Variants in STON1 observed in about 807,000 individuals in gnomAD.
The protein encoded by STON1 is stonin 1.
STON1 carries 79 observed loss-of-function variants against 60.9 expected under a neutral mutation model. The ratio of observed to expected loss-of-function variants is 1.30; its 90% CI spans 1.08 to 1.56. The LOEUF is 1.56. STON1 is among the 40% of genes most tolerant of loss of function. The probability of loss-of-function intolerance (pLI) is 0.00; values close to 1 mark genes in which losing one functional copy is unlikely to be tolerated. For missense variants in STON1, 1,166 were observed against 858.9 expected (o/e 1.36, Z -4.47); for synonymous variants, 363 against 306.9 (o/e 1.18, Z -1.91).
chr2:48,575,774 T>TTTTA (rs1558623201), intron 1 of STON1, among the ~76,000 whole-genome samples: 1 of 149,118 alleles, frequency 6.7e-6, no homozygotes, highest in African/African-American at 2.4e-5. Context: ...TTTTTTTTTT[T>TTTTA]TGAGATGCAG....
intron 2 of STON1, among the ~76,000 whole-genome samples, chr2:48,586,422 C>T (rs186395051): frequency 1.3e-5 from 2 of 152,174 alleles, no homozygotes; most frequent in Non-Finnish European, 2.9e-5. Context: ...TACCCAAATG[C>T]ACTGTGGAAA....
chr2:48,588,333 T>C (rs1674328608), intron 2 of STON1, among the ~76,000 whole-genome samples: 1 of 152,204 alleles, frequency 6.6e-6, no homozygotes, highest in Admixed American at 6.5e-5. Context: ...CTTTTCAAGA[T>C]TGTCTCGGAA....
At chr2:48,565,413 C>A (rs1376296681) in intron 1 of STON1, among the ~76,000 whole-genome samples, 1 of 152,108 alleles carries the variant, frequency 6.6e-6, no homozygotes, top group African/African-American at 2.4e-5. Flanking sequence ...GACCTCATTA[C>A]CTTCTAATGG....
Position 48,552,608 on chromosome 2 carries a change from C to CA in STON1, c.-48+22403dup, listed in dbSNP as rs973568564. Among the ~76,000 whole-genome samples the CA allele has an allele frequency of 7.0e-3, 1,023 of 145,370 alleles. 7 individuals are homozygous for CA. The highest frequency in any genetic ancestry group is 0.02 in the African/African-American group (813 of 39,770). On this transcript the variant is annotated intron_variant, in intron 1 of 3. Coordinates refer to ENST00000404752, the MANE Select transcript of STON1 (RefSeq NM_006873.4). ...TGAGAGCCCGTCTCTACTAAAAATACAAAAAAAAAAATTTAGCAGGGTATG... is the reference window on the plus strand; with the variant it reads ...TGAGAGCCCGTCTCTACTAAAAATACAAAAAAAAAAAATTTAGCAGGGTATG...
In STON1 at chr2:48,578,581, C is replaced by CTTTTTTTTTTTTTTTTTTTTTTTTTT. The variant is rs59933765; in HGVS notation, c.-47-1981_-47-1980insTTTTTTTTTTTTTTTTTTTTTTTTTT. 1.5e-4 allele frequency among the ~76,000 whole-genome samples: 7 copies of CTTTTTTTTTTTTTTTTTTTTTTTTTT among 46,168 alleles called. 1 individual carries two copies. Among genetic ancestry groups the CTTTTTTTTTTTTTTTTTTTTTTTTTT allele is most frequent in the Non-Finnish European group, 2.1e-4 (6 of 28,214 alleles). The allele number at this position is 46,168 out of a possible 152,430, so 30.3% of individuals were successfully genotyped here. On this transcript the variant is annotated intron_variant, in intron 1 of 3. Transcript: ENST00000404752. ...CTTCTCCTCCTCCTCCTCCTCCTTC[C>CTTTTTTTTTTTTTTTTTTTTTTTTTT]TTTTTTTTTTTTTTTTTTTTTTTTT...
chr2:48,564,502 TTC>T (rs1672806040), intron 1 of STON1, among the ~76,000 whole-genome samples: 3 of 22,878 alleles, frequency 1.3e-4, no homozygotes, highest in Non-Finnish European at 2.4e-4. Context: ...CTTCTTCTTC[TTC>T]TTCTTCTTCT....
chr2:48,552,964 C>T (rs1572938815), intron 1 of STON1, among the ~76,000 whole-genome samples: 1 of 152,078 alleles, frequency 6.6e-6, no homozygotes, highest in East Asian at 1.9e-4. Flanking sequence ...GTAGTTGCAG[C>T]CTGATGGCAA....
intron 1 of STON1, among the ~76,000 whole-genome samples, chr2:48,564,480 T>TTCTTCTTCTTTCTTC (rs1558604783): frequency 3.1e-5 from 1 of 32,492 alleles, no homozygotes; most frequent in Non-Finnish European, 6.5e-5. Flanking sequence ...CTTCTTCTTC[T>TTCTTCTTCTTTCTTC]TTCTTCTTCT....
At position 48,581,081 on chromosome 2, in the gene STON1, G is replaced by C; in HGVS notation, c.448G>C (p.Gly150Arg). The C allele has an allele frequency of 6.2e-7, 1 of 1,600,710 alleles. No individual in the cohort carries two copies. The highest frequency in any genetic ancestry group is 2.2e-5 in the East Asian group (1 of 44,842). ...ATGTACACATCCAACTCCCAAAGTA[G>C]GTCTTCCAGATGAAGTTAATCCTCA... ...HSCTHPTPKV[G>R]LPDEVNPQQA... The change falls in exon 2 of 4, where the codon GGT becomes CGT. Residue 150 changes from glycine (G) to arginine (R), a missense_variant. Physicochemically the swap from Gly to Arg is moderately radical, Grantham distance 125. Transcript: ENST00000404752.
chr2:48,593,820 T>C lies in STON1; in HGVS notation c.2134-1408T>C, dbSNP rs144643255. Among the ~76,000 whole-genome samples, 569 of 152,338 alleles carry C rather than the reference T, an allele frequency of 3.7e-3. 5 individuals carry two copies. Among genetic ancestry groups the C allele is most frequent in the African/African-American group, 0.013 (520 of 41,574 alleles). ...GGACTATCTGTTTAGAAGTCTATGTTTGGGTCCAGTTATCTTTTTCTACTG... is the reference window on the plus strand; with the variant it reads ...GGACTATCTGTTTAGAAGTCTATGTCTGGGTCCAGTTATCTTTTTCTACTG... On this transcript the variant is annotated intron_variant, in intron 3 of 3. Transcript: ENST00000404752.
At chr2:48,557,073 G>A (rs1672398917) in intron 1 of STON1, among the ~76,000 whole-genome samples, 1 of 96,202 alleles carries the variant, frequency 1.0e-5, no homozygotes, top group Non-Finnish European at 2.2e-5. Context: ...GCGGGGGGCT[G>A]ACCCCCCCCC....
intron 1 of STON1, among the ~76,000 whole-genome samples, chr2:48,579,967 C>G (rs1453863512): frequency 6.6e-6 from 1 of 152,134 alleles, no homozygotes; most frequent in African/African-American, 2.4e-5. Context: ...AGTGCAATGG[C>G]ACTATCTCAG....
chr2:48,553,330 G>A (rs916244862), intron 1 of STON1, among the ~76,000 whole-genome samples: 1 of 151,952 alleles, frequency 6.6e-6, no homozygotes, highest in Non-Finnish European at 1.5e-5. Context: ...GCTTCAGGGG[G>A]CAAATACCTC....
intron 1 of STON1, among the ~76,000 whole-genome samples, chr2:48,549,797 A>G (rs1672016346): frequency 8.0e-6 from 1 of 125,324 alleles, no homozygotes; most frequent in Non-Finnish European, 1.6e-5. Flanking sequence ...CGGACGACAG[A>G]GTGACTCCAT....
At chr2:48,585,569 G>A (rs1179101382) in intron 2 of STON1, among the ~76,000 whole-genome samples, 3 of 152,098 alleles carry the variant, frequency 2.0e-5, no homozygotes, top group Non-Finnish European at 4.4e-5. Flanking sequence ...TTTATAACTT[G>A]GCTAGAGAGG....
In STON1 at chr2:48,590,863, T is replaced by A. The variant is rs548135532; in HGVS notation, c.1931-790T>A. ...AGTATTTTGGAAGGATGAGTGAGAA[T>A]TACAGTAGGGAAAAATAATTTGTTC... On this transcript the variant is annotated intron_variant, in intron 2 of 3. Transcript: ENST00000404752. Among the ~76,000 whole-genome samples the A allele has an allele frequency of 1.3e-3, 194 of 152,300 alleles. 7 individuals carry two copies. In the South Asian group the frequency reaches 0.038, roughly 30 times the overall value.
At chr2:48,555,530 C>T (rs1285562368) in intron 1 of STON1, among the ~76,000 whole-genome samples, 17 of 76,126 alleles carry the variant, frequency 2.2e-4, no homozygotes, top group African/African-American at 6.2e-4. Flanking sequence ...ACGGACGAGG[C>T]GGCTGGCCGG....
rs1558603740 is a variant in STON1 at position 48,564,403 on chromosome 2, GTGTCTTCTTCTTCTT to G, written c.-47-16183_-47-16169del. Among the ~76,000 whole-genome samples, 37 of 130,030 alleles carry G rather than the reference GTGTCTTCTTCTTCTT, an allele frequency of 2.8e-4. 1 individual carries two copies. Among genetic ancestry groups the G allele is most frequent in the African/African-American group, 1.1e-3 (37 of 34,808 alleles). 85.3% of individuals were successfully genotyped at this position (130,030 alleles called of 152,430 possible). ...GCTAGGTCCTCCAGTGGCAGTGGCG[GTGTCTTCTTCTTCTT>G]CTTCTTCTTCTTCTTCTTCTTCTTC... On this transcript the variant is annotated intron_variant, in intron 1 of 3. Transcript: ENST00000404752.
intron 1 of STON1, among the ~76,000 whole-genome samples, chr2:48,552,588 G>A (rs895306449): frequency 5.3e-5 from 8 of 151,744 alleles, no homozygotes; most frequent in Non-Finnish European, 1.0e-4. Context: ...CATGGTGAGA[G>A]CCCGTCTCTA....
Sources: allele counts gnomAD v4.1 joint callset (sites outside exome capture counted in the v4.1 genomes callset), GRCh38; gene constraint gnomAD v4.1.1; transcripts MANE v1.5; gene names NCBI Gene and HGNC (gene_info 2026-07-23, HGNC 2026-07-21).